The following LHFPL2 variants were observed in gnomAD, a reference collection of about 807,000 sequenced individuals.
LHFPL2 encodes the protein LHFPL tetraspan subfamily member 2 protein.
Under a neutral mutation model 17.5 loss-of-function variants are expected in LHFPL2, and 7 were observed. The observed-to-expected ratio is 0.40, with a 90% confidence interval of 0.23 to 0.75. The LOEUF is 0.75. Among genes scored for constraint, LHFPL2 ranks in the 30% least tolerant of loss-of-function variants. The probability of loss-of-function intolerance (pLI) is 0.37; values close to 1 mark genes in which losing one functional copy is unlikely to be tolerated. For synonymous variants in LHFPL2, 134 were observed against 116.2 expected, an observed-to-expected ratio of 1.15 and a Z score of -0.99; for missense variants, 241 against 294.8, an observed-to-expected ratio of 0.82 and a Z score of 1.34.
intron 2 of LHFPL2, among the ~76,000 whole-genome samples, chr5:78,601,383 A>G (rs1424632292): frequency 6.6e-6 from 1 of 152,222 alleles, no homozygotes; most frequent in African/African-American, 2.4e-5. Flanking sequence ...ATGTACAGAC[A>G]TGGCCCACTC....
At chr5:78,581,661 G>A (rs1055739028) in intron 2 of LHFPL2, among the ~76,000 whole-genome samples, 1 of 152,142 alleles carries the variant, frequency 6.6e-6, no homozygotes, top group African/African-American at 2.4e-5. Context: ...TGGTGGATAA[G>A]CTTTTTGATG....
chr5:78,489,265 C>T, intron 4 of LHFPL2, 112 bp from the exon 5 acceptor site: 1 of 1,176,506 alleles, frequency 8.5e-7, no homozygotes, highest in Non-Finnish European at 1.2e-6. Flanking sequence ...ATCTATTCTG[C>T]AATAGAAAGT....
intron 3 of LHFPL2, among the ~76,000 whole-genome samples, chr5:78,539,436 G>A (rs1202112797): frequency 5.9e-5 from 9 of 152,148 alleles, no homozygotes; most frequent in African/African-American, 2.2e-4. Flanking sequence ...AGTCGGAGGT[G>A]GCACTTAGCT....
At chr5:78,592,066 G>A (rs1743645499) in intron 2 of LHFPL2, among the ~76,000 whole-genome samples, 1 of 152,166 alleles carries the variant, frequency 6.6e-6, no homozygotes, top group Non-Finnish European at 1.5e-5. Context: ...TCATTTGATG[G>A]TCTTTTCCCA....
intron 1 of LHFPL2, among the ~76,000 whole-genome samples, chr5:78,637,954 T>G (rs1343759694): frequency 5.3e-5 from 8 of 152,166 alleles, no homozygotes. Context: ...TCCCTCACAC[T>G]GTTCACTCAA....
intron 4 of LHFPL2, among the ~76,000 whole-genome samples, chr5:78,505,701 T>C (rs1754911948): frequency 6.6e-6 from 1 of 152,238 alleles, no homozygotes; most frequent in Admixed American, 6.5e-5. Context: ...CCCTGTTCCG[T>C]AGAATGCAAC....
intron 3 of LHFPL2, among the ~76,000 whole-genome samples, chr5:78,534,405 G>A (rs561138457): frequency 3.3e-5 from 5 of 152,278 alleles, no homozygotes; most frequent in South Asian, 2.1e-4. Flanking sequence ...TTCCAGGGCC[G>A]TAGCAGGCTC....
intron 4 of LHFPL2, chr5:78,494,385 G>A (rs1754540770): frequency 4.1e-6 from 4 of 985,240 alleles, no homozygotes; most frequent in Admixed American, 6.1e-5. Flanking sequence ...CAACTTGACA[G>A]AATGGTGCCC....
intron 1 of LHFPL2, among the ~76,000 whole-genome samples, chr5:78,640,295 T>C (rs865851260): frequency 8.5e-5 from 13 of 152,220 alleles, no homozygotes; most frequent in South Asian, 4.1e-4. Flanking sequence ...GAAACACCTC[T>C]CAAATCACAC....
chr5:78,566,864 T>C (rs1244098320), intron 2 of LHFPL2, among the ~76,000 whole-genome samples: 2 of 152,242 alleles, frequency 1.3e-5, no homozygotes, highest in Non-Finnish European at 2.9e-5. Context: ...ATGATCAGTA[T>C]TTTTATCTGG....
chr5:78,630,369 C>G (rs1745196898), intron 2 of LHFPL2, among the ~76,000 whole-genome samples: 1 of 152,200 alleles, frequency 6.6e-6, no homozygotes, highest in East Asian at 1.9e-4. Flanking sequence ...TCTCAAGTTC[C>G]AAAGACTGCT....
chr5:78,599,447 C>T (rs1353753063), intron 2 of LHFPL2, among the ~76,000 whole-genome samples: 1 of 151,038 alleles, frequency 6.6e-6, no homozygotes, highest in East Asian at 1.9e-4. Context: ...TTACAAGTGT[C>T]CGCCATCATG....
At chr5:78,553,688 C>G (rs1047728893) in intron 3 of LHFPL2, among the ~76,000 whole-genome samples, 3 of 152,240 alleles carry the variant, frequency 2.0e-5, no homozygotes. Context: ...ATTCCACCTT[C>G]TTTCCTTCCC....
At chr5:78,601,944 G>A (rs986377793) in intron 2 of LHFPL2, among the ~76,000 whole-genome samples, 1 of 152,072 alleles carries the variant, frequency 6.6e-6, no homozygotes, top group Non-Finnish European at 1.5e-5. Flanking sequence ...CAATGGGTGT[G>A]GGGAAGTTTC....
intron 2 of LHFPL2, among the ~76,000 whole-genome samples, chr5:78,609,844 T>A (rs1461210709): frequency 1.4e-5 from 2 of 145,944 alleles, no homozygotes; most frequent in African/African-American, 2.5e-5. Flanking sequence ...TTGGTGTACC[T>A]AAAAAAAAAA....
At chr5:78,563,930 A>G (rs192537689) in intron 3 of LHFPL2, among the ~76,000 whole-genome samples, 387 of 152,320 alleles carry the variant, frequency 2.5e-3, no homozygotes, top group Non-Finnish European at 4.4e-3. Context: ...TTGAGGAGTC[A>G]CCAGTTCATT....
At chr5:78,513,175 A>C (rs1302558885) in intron 3 of LHFPL2, among the ~76,000 whole-genome samples, 1 of 152,192 alleles carries the variant, frequency 6.6e-6, no homozygotes, top group Non-Finnish European at 1.5e-5. Flanking sequence ...CCTGGCCAGC[A>C]AGCTCTACTC....
intron 3 of LHFPL2, among the ~76,000 whole-genome samples, chr5:78,554,156 A>C (rs1756513686): frequency 1.3e-5 from 2 of 152,358 alleles, no homozygotes; most frequent in South Asian, 2.1e-4. Flanking sequence ...CTTGTCTATC[A>C]GTGTTGAAAA....
At chr5:78,636,709 C>G (rs1368187431) in intron 1 of LHFPL2, among the ~76,000 whole-genome samples, 1 of 152,074 alleles carries the variant, frequency 6.6e-6, no homozygotes, top group East Asian at 1.9e-4. Context: ...TTAAAGACTT[C>G]TCTACAGAGG....
Sources: allele counts gnomAD v4.1 joint callset (sites outside exome capture counted in the v4.1 genomes callset), GRCh38; gene constraint gnomAD v4.1.1; transcripts MANE v1.5; gene names NCBI Gene and HGNC (gene_info 2026-07-23, HGNC 2026-07-21).